OPHN1: variants seen among roughly 807,000 people sequenced by gnomAD.
The protein encoded by OPHN1 is oligophrenin-1.
OPHN1 carries 11 observed loss-of-function variants against 60.7 expected under a neutral mutation model. The observed-to-expected ratio is 0.18, with a 90% CI of 0.11 to 0.30. The LOEUF (loss-of-function observed/expected upper bound fraction) is 0.30. OPHN1 is among the 10% of genes least tolerant of loss of function. OPHN1 has a pLI of 1.00. For missense variants in OPHN1, 449 were observed against 611.0 expected (o/e 0.73, Z 2.80); for synonymous variants, 226 against 222.6 (o/e 1.02, Z -0.14).
At chrX:68,250,230 G>C (rs781072299) in intron 5 of OPHN1, among the ~76,000 whole-genome samples, 3 of 112,339 alleles carry the variant, frequency 2.7e-5, no homozygotes, top group Non-Finnish European at 3.8e-5. Context: ...TATAAACCTT[G>C]TAAGAGTTCA....
intron 4 of OPHN1, among the ~76,000 whole-genome samples, chrX:68,277,148 C>T (rs758291122): frequency 8.9e-6 from 1 of 111,879 alleles, no homozygotes; most frequent in East Asian, 2.8e-4. Context: ...TTCAATGGAC[C>T]CAGGGTAGGG....
chrX:68,047,208 A>G (rs1029007177), intron 24 of OPHN1, 45 bp from the exon 25 acceptor site: 5 of 111,940 alleles, frequency 4.5e-5, no homozygotes, highest in African/African-American at 9.7e-5. Flanking sequence ...GGACTGGTCA[A>G]GTACTTAACA....
At chrX:68,366,536 T>C (rs1439050981) in intron 2 of OPHN1, among the ~76,000 whole-genome samples, 3 of 110,709 alleles carry the variant, frequency 2.7e-5, no homozygotes, top group Non-Finnish European at 5.7e-5. Flanking sequence ...TGCCCGTGTG[T>C]AGAGTCAGGG....
chrX:68,167,322 T>C (rs933357186), intron 15 of OPHN1, among the ~76,000 whole-genome samples: 3 of 111,715 alleles, frequency 2.7e-5, no homozygotes, highest in Non-Finnish European at 5.6e-5. Context: ...TTAAAATGGC[T>C]TTTATGTAAA....
chrX:68,053,224 T>A (rs1267129036), intron 22 of OPHN1, among the ~76,000 whole-genome samples: 7 of 111,682 alleles, frequency 6.3e-5, no homozygotes, highest in Non-Finnish European at 9.4e-5. Flanking sequence ...TGAAAAAAAA[T>A]TTAAATCATA....
At chrX:68,063,716 T>C (rs1191138258) in intron 21 of OPHN1, 138 bp downstream of exon 21, 2 of 514,690 alleles carry the variant, frequency 3.9e-6, no homozygotes, top group South Asian at 4.5e-5. Flanking sequence ...ATTATTGTGA[T>C]CTTGCCCACT....
intron 2 of OPHN1, among the ~76,000 whole-genome samples, chrX:68,353,444 G>T (rs1193418533): frequency 9.5e-6 from 1 of 105,339 alleles, no homozygotes; most frequent in Non-Finnish European, 1.9e-5. Flanking sequence ...CATGGTGGCG[G>T]GTGCCTGTAA....
At chrX:68,314,789 C>A (rs2147650220) in intron 2 of OPHN1, among the ~76,000 whole-genome samples, 1 of 110,185 alleles carries the variant, frequency 9.1e-6, no homozygotes, top group East Asian at 2.9e-4. Context: ...AGTTCAAGAC[C>A]AGCCTAAGCA....
At chrX:68,255,370 G>C (rs2077857184) in intron 5 of OPHN1, among the ~76,000 whole-genome samples, 1 of 112,479 alleles carries the variant, frequency 8.9e-6, no homozygotes, top group Non-Finnish European at 1.9e-5. Context: ...AACAACAAAA[G>C]TTCTCATAGT....
rs1353048550 is a variant in OPHN1 at position 68,051,248 on chromosome X, C to G, written c.2375+1292G>C. On this transcript the variant is annotated intron_variant, in intron 23 of 24. Transcript: ENST00000355520. ...GAACAATTTCAAACTCTCTGATAAC[C>G]AAGAAGGAACAAACTCACAAAAGAG... Among the ~76,000 whole-genome samples, 3 of 110,762 alleles carry G rather than the reference C, an allele frequency of 2.7e-5. No homozygotes were observed. The East Asian group carries it at 8.5e-4, about 31-fold the overall frequency.
intron 20 of OPHN1, among the ~76,000 whole-genome samples, chrX:68,066,121 A>G (rs2076912324): frequency 8.9e-6 from 1 of 112,512 alleles, no homozygotes; most frequent in Non-Finnish European, 1.9e-5. Context: ...GGCTTCCAGG[A>G]CGTGCCTTGT....
chrX:68,120,965 T>C (rs1476036165), intron 15 of OPHN1, among the ~76,000 whole-genome samples: 2 of 112,067 alleles, frequency 1.8e-5, no homozygotes, highest in Non-Finnish European at 3.8e-5. Flanking sequence ...TTGGACTCTA[T>C]CTTACACTGT....
intron 2 of OPHN1, among the ~76,000 whole-genome samples, chrX:68,313,207 G>A (rs997232722): frequency 4.5e-5 from 5 of 111,898 alleles, no homozygotes; most frequent in Admixed American, 9.5e-5. Flanking sequence ...GGGAACCCTC[G>A]TACACTGTTG....
At chrX:68,381,787 G>A (rs1214523961) in intron 2 of OPHN1, among the ~76,000 whole-genome samples, 1 of 110,536 alleles carries the variant, frequency 9.0e-6, no homozygotes, top group Admixed American at 9.7e-5. Context: ...TTGAGGATAG[G>A]GCCAATCTCT....
At chrX:68,388,414 C>T (rs910414219) in intron 2 of OPHN1, among the ~76,000 whole-genome samples, 5 of 104,283 alleles carry the variant, frequency 4.8e-5, no homozygotes, top group Non-Finnish European at 7.8e-5. Flanking sequence ...GAGCCGAGAT[C>T]GCCCCACTGC....
intron 2 of OPHN1, among the ~76,000 whole-genome samples, chrX:68,362,240 A>G (rs946897236): frequency 2.2e-4 from 25 of 111,981 alleles, no homozygotes; most frequent in African/African-American, 8.1e-4. Flanking sequence ...ATGAACATGG[A>G]GGACCTTATG....
At chrX:68,390,026 A>G (rs1413245559) in intron 2 of OPHN1, among the ~76,000 whole-genome samples, 1 of 111,157 alleles carries the variant, frequency 9.0e-6, no homozygotes, top group Non-Finnish European at 1.9e-5. Context: ...ACAAGGCAGC[A>G]GCAAGGAGAA....
rs58452310 is a variant in OPHN1 at position 68,268,473 on chromosome X, G to A, written c.384+6265C>T. Among the ~76,000 whole-genome samples, 454 of 111,838 alleles carry A rather than the reference G, an allele frequency of 4.1e-3. 16 individuals are homozygous for A. In the East Asian group the frequency reaches 0.097, roughly 24 times the overall value. On this transcript the variant is annotated intron_variant, in intron 5 of 24. Coordinates refer to ENST00000355520, the MANE Select transcript of OPHN1 (RefSeq NM_002547.3). ...ATAAACGTAATCCAGCATATAAACA[G>A]AACCAATGACAAAAACCATATGATT...
In OPHN1 at chrX:68,256,122, G is replaced by A. The variant is rs747516185; in HGVS notation, c.384+18616C>T. On this transcript the variant is annotated intron_variant, in intron 5 of 24. Coordinates refer to ENST00000355520, the MANE Select transcript of OPHN1 (RefSeq NM_002547.3). ...TTTTATGGTCCAGCTTGAGGAGGTAGTGTCTGATTTAGGTAGGGCTCACAG... is the reference window on the plus strand; with the variant it reads ...TTTTATGGTCCAGCTTGAGGAGGTAATGTCTGATTTAGGTAGGGCTCACAG... 1.8e-4 allele frequency among the ~76,000 whole-genome samples: 20 copies of A among 111,497 alleles called. No homozygotes were observed. The South Asian group carries it at 5.0e-3, about 28-fold the overall frequency.
Sources: gnomAD v4.1 joint callset for allele counts (sites outside exome capture counted in the v4.1 genomes callset) on GRCh38, gnomAD v4.1.1 for gene constraint, MANE v1.5 for transcripts, NCBI Gene and HGNC (gene_info 2026-07-23, HGNC 2026-07-21) for gene names.